The following FHL3 variants were observed in gnomAD, a reference collection of about 807,000 sequenced individuals.
FHL3 encodes four and a half LIM domains protein 3.
A neutral mutation model predicts 34.3 loss-of-function variants in FHL3; 21 were observed. The observed-to-expected ratio is 0.61, with a 90% CI of 0.43 to 0.88. The LOEUF (loss-of-function observed/expected upper bound fraction) is 0.88. Among genes scored for constraint, FHL3 ranks in the 40% least tolerant of loss-of-function variants. FHL3 has a pLI of 0.00. For missense variants in FHL3, 333 were observed against 373.7 expected, an observed-to-expected ratio of 0.89 and a Z score of 0.90; for synonymous variants, 137 against 144.6, an observed-to-expected ratio of 0.95 and a Z score of 0.38.
intron 1 of FHL3, among the ~76,000 whole-genome samples, chr1:38,004,636 C>T (rs1646625741): frequency 6.6e-6 from 1 of 152,178 alleles, no homozygotes. Flanking sequence ...AAGTCTTGGT[C>T]TCTTCTTGTC....
Position 37,997,476 on chromosome 1 carries a change from G to A in FHL3, c.772C>T (p.Leu258=), listed in dbSNP as rs145496383. 6.2e-7 allele frequency: 1 copy of A among 1,613,962 alleles called. No individual in the cohort carries two copies. Among genetic ancestry groups the A allele is most frequent in the African/African-American group, 1.3e-5 (1 of 74,912 alleles). Residue 258 remains leucine (L), a synonymous_variant, in exon 6 of 6, where the codon CTG becomes TTG. Coordinates refer to ENST00000373016, the MANE Select transcript of FHL3 (RefSeq NM_004468.5). This position sits in a 1 kb window ranked among gnomAD's most constrained non-coding sequence, Gnocchi z 4.3. ...TCCGGTACGAAGCCCTGGCCCACCA[G>A]GGAGGTAGAGCAGCGGGCGCAGGAG... ...CFSCARCSTS[L]VGQGFVPDGD... is the part of the protein sequence containing the mutation.
At chr1:38,002,122 A>G (rs896027082) in intron 1 of FHL3, among the ~76,000 whole-genome samples, 5 of 148,804 alleles carry the variant, frequency 3.4e-5, no homozygotes, top group Non-Finnish European at 7.4e-5. Flanking sequence ...TTTTTGAGAC[A>G]GAGTCTCGCT....
At chr1:37,998,227 CGTGAGCAGG>C in intron 3 of FHL3, 95 bp from the exon 4 acceptor site, 1 of 1,137,700 alleles carries the variant, frequency 8.8e-7, no homozygotes, top group Non-Finnish European at 1.3e-6. Flanking sequence ...CCTCTCTCAG[CGTGAGCAGG>C]GTGGTGTCCG....
chr1:38,002,254 A>T (rs1303710987), intron 1 of FHL3, among the ~76,000 whole-genome samples: 1 of 151,800 alleles, frequency 6.6e-6, no homozygotes, highest in South Asian at 2.1e-4. Context: ...ACCTGCTACC[A>T]CGCCCGGCTA....
At chr1:38,003,511 C>T (rs1356874227) in intron 1 of FHL3, among the ~76,000 whole-genome samples, 1 of 152,232 alleles carries the variant, frequency 6.6e-6, no homozygotes, top group African/African-American at 2.4e-5. Context: ...GTGGTCGCTT[C>T]AGTCCGGTCA....
intron 1 of FHL3, among the ~76,000 whole-genome samples, chr1:38,002,151 T>C (rs1570487375): frequency 6.7e-6 from 1 of 149,136 alleles, no homozygotes; most frequent in African/African-American, 2.5e-5. Context: ...CAGGCTGGGG[T>C]ACAGTGGCGC....
At chr1:38,001,599 C>A (rs945176331) in intron 1 of FHL3, among the ~76,000 whole-genome samples, 1 of 152,242 alleles carries the variant, frequency 6.6e-6, no homozygotes, top group African/African-American at 2.4e-5. Flanking sequence ...ATACCCCTCT[C>A]CCTGCCCTTT....
rs1443786390 is a variant in FHL3, at chr1:37,997,526, T to A, written c.722A>T (p.Asp241Val). The change falls in exon 6 of 6, where the codon GAC becomes GTC. Residue 241 changes from aspartate (D) to valine (V), a missense_variant. Coordinates refer to ENST00000373016, the MANE Select transcript of FHL3 (RefSeq NM_004468.5). The surrounding 1 kb of genome is among the most constrained non-coding windows in gnomAD (Gnocchi z 4.3). ...LGGGKYVSFE[D>V]RHWHHNCFSC... ...GAAGCAGTTGTGGTGCCAGTGTCGG[T>A]CTTCAAAGGACACATACTTGCCTCC... The A allele has an allele frequency of 6.2e-7, 1 of 1,612,288 alleles. No homozygotes were observed. Among genetic ancestry groups the A allele is most frequent in the Admixed American group, 1.7e-5 (1 of 59,840 alleles).
rs1269545864 is a variant in FHL3, at chr1:38,005,376, G to A, written c.-40C>T. On this transcript the variant is annotated 5_prime_UTR_variant, in exon 1 of 6. Transcript: ENST00000373016. ...GCTCACCTCGAAGCGGGCGGCGGGA[G>A]CGGGGAGCGCGCGGCGCAGGCGGGG... 6.7e-6 allele frequency: 1 copy of A among 149,386 alleles called. No homozygotes were observed. Among genetic ancestry groups the A allele is most frequent in the East Asian group, 1.9e-4 (1 of 5,156 alleles). The allele number at this position is 149,386 out of a possible 1,614,324, so 9.3% of individuals were successfully genotyped here. A position where few individuals can be genotyped will look rare whatever the true frequency, so the allele number is the denominator to read the frequency against.
rs1367480175 is a variant in FHL3, at chr1:37,999,388, T to C, written c.25A>G (p.Lys9Glu). The C allele has an allele frequency of 1.9e-6, 3 of 1,614,208 alleles. No individual in the cohort carries two copies. The highest frequency in any genetic ancestry group is 4.5e-5 in the East Asian group (2 of 44,890). Residue 9 changes from lysine (K) to glutamate (E), a missense_variant, in exon 2 of 6, where the codon AAA becomes GAA. Transcript: ENST00000373016. MSESFDCAKCNESLYGRKY... is the reference protein window; with the variant it reads MSESFDCAECNESLYGRKY... ...CGTCCATACAGGGACTCGTTGCATT[T>C]TGCACAGTCAAATGACTCGCTCATG...
chr1:38,003,611 C>A (rs1302037272), intron 1 of FHL3, among the ~76,000 whole-genome samples: 1 of 152,216 alleles, frequency 6.6e-6, no homozygotes, highest in African/African-American at 2.4e-5. Flanking sequence ...TCACAAAGTC[C>A]ATGCCCACCA....
At chr1:37,999,690 G>A (rs560307350) in intron 1 of FHL3, among the ~76,000 whole-genome samples, 1 of 152,330 alleles carries the variant, frequency 6.6e-6, no homozygotes, top group East Asian at 1.9e-4. Context: ...GGCCCTAGCA[G>A]ATCTAGGGGG....
intron 1 of FHL3, among the ~76,000 whole-genome samples, chr1:38,001,304 C>T (rs930602369): frequency 4.6e-5 from 7 of 152,248 alleles, no homozygotes; most frequent in South Asian, 2.1e-4. Flanking sequence ...CTGTCAGCCA[C>T]GGGGCAGCAG....
At position 37,998,270 on chromosome 1, in the gene FHL3, C is replaced by G. The variant is rs539230422; in HGVS notation, c.332-138G>C. ...CGTGCACATGCAGCAAGAACCCCCC[C>G]GCCCTATGTATATTACACATGCTAA... On this transcript the variant is annotated intron_variant, in intron 3 of 5. Transcript: ENST00000373016. 8 of 700,700 alleles carry G rather than the reference C, an allele frequency of 1.1e-5. No individual in the cohort carries two copies. In the East Asian group the frequency reaches 2.2e-4, roughly 19 times the overall value. The allele number at this position is 700,700 out of a possible 1,614,324, so 43.4% of individuals were successfully genotyped here.
chr1:37,997,954 A>G lies in FHL3; in HGVS notation c.501+9T>C. On this transcript the variant is annotated intron_variant, in intron 4 of 5. Transcript: ENST00000373016. The surrounding 1 kb of genome is among the most constrained non-coding windows in gnomAD (Gnocchi z 4.3). ...TCACTCACCCCCACCTGGCTGGCCC[A>G]GCCCCCACCTTGCTGCAGCGGGCGC... is the stretch of plus-strand genomic sequence containing the variant. 1 of 1,613,708 alleles carries G rather than the reference A, an allele frequency of 6.2e-7. No individual in the cohort carries two copies.
chr1:37,998,150 C>T lies in FHL3; in HGVS notation c.332-18G>A, dbSNP rs1334728346. On this transcript the variant is annotated intron_variant, in intron 3 of 5. Coordinates refer to ENST00000373016, the MANE Select transcript of FHL3 (RefSeq NM_004468.5). ...CCGGGACCCTGTGGGGAACAGGGGT[C>T]CCATTTAGAGGTTGTGTCCCATGCT... is the stretch of plus-strand genomic sequence containing the variant. The T allele has an allele frequency of 6.2e-7, 1 of 1,612,800 alleles. No individual in the cohort carries two copies. The highest frequency in any genetic ancestry group is 8.5e-7 in the Non-Finnish European group (1 of 1,179,370).
intron 1 of FHL3, among the ~76,000 whole-genome samples, chr1:38,001,633 G>A (rs72930818): frequency 2.5e-3 from 379 of 152,334 alleles, no homozygotes; most frequent in African/African-American, 8.0e-3. Context: ...TGGGGACTGC[G>A]GGGACTGAAG....
intron 1 of FHL3, among the ~76,000 whole-genome samples, chr1:38,002,137 C>T (rs1393764638): frequency 6.7e-6 from 1 of 150,294 alleles, no homozygotes; most frequent in Admixed American, 6.7e-5. Context: ...CTCGCTCTGT[C>T]GCCCAGGCTG....
chr1:38,001,180 C>A (rs1570486000), intron 1 of FHL3, among the ~76,000 whole-genome samples: 2 of 152,354 alleles, frequency 1.3e-5, no homozygotes, highest in East Asian at 3.9e-4. Context: ...GTCTTTAGAG[C>A]TGGAACTCCT....
Sources: allele counts gnomAD v4.1 joint callset (sites outside exome capture counted in the v4.1 genomes callset), GRCh38; gene constraint gnomAD v4.1.1; non-coding constraint Gnocchi (gnomAD v3.1); transcripts MANE v1.5; gene names NCBI Gene and HGNC (gene_info 2026-07-23, HGNC 2026-07-21).